SLITRK2: variants seen among roughly 807,000 people sequenced by gnomAD.
SLITRK2 encodes the protein SLIT and NTRK like family member 2.
SLITRK2 carries 13 observed loss-of-function variants against 35.4 expected under a neutral mutation model. That is an observed-to-expected ratio of 0.37 (90% CI 0.24 to 0.58). The LOEUF (loss-of-function observed/expected upper bound fraction) is 0.58. Ranked by LOEUF, SLITRK2 falls within the 20% of genes least tolerant of loss-of-function variation. The pLI is 0.75. For missense variants in SLITRK2, 471 were observed against 634.3 expected, an observed-to-expected ratio of 0.74 and a Z score of 2.76; for synonymous variants, 294 against 264.7, an observed-to-expected ratio of 1.11 and a Z score of -1.07.
chrX:145,828,637 AAG>A lies in SLITRK2; in HGVS notation c.*3681_*3682del, dbSNP rs1478350413. On this transcript the variant is annotated 3_prime_UTR_variant, in exon 5 of 5. Coordinates refer to ENST00000335565, the MANE Select transcript of SLITRK2 (RefSeq NM_032539.5). ...CCCTAGCAAGGAGCTTCGTGCTAAT[AAG>A]AGAGAGTCTTACCTGAATGGCAATC... 3 of 122,657 alleles carry A rather than the reference AAG, an allele frequency of 2.4e-5. No homozygotes were observed. Among genetic ancestry groups the A allele is most frequent in the African/African-American group, 9.8e-5 (3 of 30,567 alleles). The allele number at this position is 122,657 out of a possible 1,213,427, so 10.1% of individuals were successfully genotyped here. A position where few individuals can be genotyped will look rare whatever the true frequency, so the allele number is the denominator to read the frequency against.
Position 145,825,119 on chromosome X carries a change from G to T in SLITRK2, c.*156G>T. On this transcript the variant is annotated 3_prime_UTR_variant, in exon 5 of 5. Coordinates refer to ENST00000335565, the MANE Select transcript of SLITRK2 (RefSeq NM_032539.5). The stretch of plus-strand genomic sequence containing the variant: ...GGAGATAGGATGAAGTCATGATTTT[G>T]CTTTTGCAAGTTTTCCTTTAAATTA... 1 of 525,497 alleles carries T rather than the reference G, an allele frequency of 1.9e-6. No homozygotes were observed. The highest frequency in any genetic ancestry group is 2.7e-6 in the Non-Finnish European group (1 of 366,212). The allele number at this position is 525,497 out of a possible 1,213,427, so 43.3% of individuals were successfully genotyped here. A position where few individuals can be genotyped will look rare whatever the true frequency, so the allele number is the denominator to read the frequency against.
chrX:145,827,888 C>T lies in SLITRK2; in HGVS notation c.*2925C>T, dbSNP rs782371717. On this transcript the variant is annotated 3_prime_UTR_variant, in exon 5 of 5. Transcript: ENST00000335565. ...CTTCCACAGCTGGATATTGCTATTT[C>T]ACTTTTATTTCACATGCAGCTTTAA... is the stretch of plus-strand genomic sequence containing the variant. 4 of 1,209,428 alleles carry T rather than the reference C, an allele frequency of 3.3e-6. No individual in the cohort carries two copies. The highest frequency in any genetic ancestry group is 4.5e-6 in the Non-Finnish European group (4 of 894,894).
chrX:145,823,925 T>C lies in SLITRK2; in HGVS notation c.1500T>C (p.Asn500=). 2 of 1,211,581 alleles carry C rather than the reference T, an allele frequency of 1.7e-6. No homozygotes were observed. The highest frequency in any genetic ancestry group is 2.2e-6 in the Non-Finnish European group (2 of 895,432). Residue 500 remains asparagine, a synonymous_variant, in exon 5 of 5, where the codon AAT becomes AAC. Transcript: ENST00000335565. ...IFGGTALTRL[N]LRNNHFSHLP... is the part of the protein sequence containing the mutation. Reference sequence around the variant, plus strand: ...GGGGGACGGCCCTAACCAGGCTGAATCTGAGAAACAACCATTTTTCTCACC... The same window carrying C: ...GGGGGACGGCCCTAACCAGGCTGAACCTGAGAAACAACCATTTTTCTCACC...
rs1415693795 is a variant in SLITRK2, at chrX:145,827,114, A to G, written c.*2151A>G. The G allele has an allele frequency of 4.5e-5, 5 of 112,038 alleles. No individual in the cohort carries two copies. Among genetic ancestry groups the G allele is most frequent in the Admixed American group, 1.9e-4 (2 of 10,527 alleles). 9.2% of individuals were successfully genotyped at this position (112,038 alleles called of 1,213,427 possible). A position where few individuals can be genotyped will look rare whatever the true frequency, so the allele number is the denominator to read the frequency against. On this transcript the variant is annotated 3_prime_UTR_variant, in exon 5 of 5. Transcript: ENST00000335565. ...GAAGAAAGTTGAAAATGGTGGGCTG[A>G]AATGATCTTCAAGAAAGTTAATGTA...
Position 145,827,558 on chromosome X carries a change from C to G in SLITRK2, c.*2595C>G. 1 of 644,845 alleles carries G rather than the reference C, an allele frequency of 1.6e-6. No individual in the cohort carries two copies. The highest frequency in any genetic ancestry group is 2.2e-6 in the Non-Finnish European group (1 of 448,104). The allele number at this position is 644,845 out of a possible 1,213,427, so 53.1% of individuals were successfully genotyped here. A position where few individuals can be genotyped will look rare whatever the true frequency, so the allele number is the denominator to read the frequency against. On this transcript the variant is annotated 3_prime_UTR_variant, in exon 5 of 5. Coordinates refer to ENST00000335565, the MANE Select transcript of SLITRK2 (RefSeq NM_032539.5). Reference sequence around the variant, plus strand: ...CTTACTTACACGATTTTAAAGACGCCTACTGAGAGAACTCAAATTTATAAA... The same window carrying G: ...CTTACTTACACGATTTTAAAGACGCGTACTGAGAGAACTCAAATTTATAAA...
rs1569507109 is a variant in SLITRK2, at chrX:145,824,625, G to A, written c.2200G>A (p.Ala734Thr). The A allele has an allele frequency of 8.3e-7, 1 of 1,211,265 alleles. No homozygotes were observed. Among genetic ancestry groups the A allele is most frequent in the Admixed American group, 2.2e-5 (1 of 45,944 alleles). Residue 734 changes from alanine (A) to threonine (T), a missense_variant, in exon 5 of 5, where the codon GCT becomes ACT. Ala to Thr is a moderately conservative substitution (Grantham distance 58, BLOSUM62 0). Coordinates refer to ENST00000335565, the MANE Select transcript of SLITRK2 (RefSeq NM_032539.5). ...GAAAAAAGAAGAGCCAGCCACACCT[G>A]CTTACACAATAAGTGCCACTGAGCT... ...EEKKEEPATP[A>T]YTISATELLE... is the part of the protein sequence containing the mutation.
In SLITRK2 at chrX:145,823,451, C is replaced by T. The variant is rs782026000; in HGVS notation, c.1026C>T (p.Ser342=). 1 of 1,209,578 alleles carries T rather than the reference C, an allele frequency of 8.3e-7. No individual in the cohort carries two copies. Among genetic ancestry groups the T allele is most frequent in the African/African-American group, 1.7e-5 (1 of 57,311 alleles). Residue 342 remains serine (S), a synonymous_variant, in exon 5 of 5, where the codon AGC becomes AGT. Transcript: ENST00000335565. The part of the protein sequence containing the change: ...TKSPVPLTCP[S]SCVCTSQSSD... ...CTCCTGTGCCTCTCACCTGTCCCAG[C>T]AGCTGTGTCTGCACCTCTCAGAGCT...
chrX:145,827,891 T>C lies in SLITRK2; in HGVS notation c.*2928T>C. On this transcript the variant is annotated 3_prime_UTR_variant, in exon 5 of 5. Transcript: ENST00000335565. ...CCACAGCTGGATATTGCTATTTCAC[T>C]TTTATTTCACATGCAGCTTTAAGAC... The C allele has an allele frequency of 8.3e-7, 1 of 1,211,615 alleles. No individual in the cohort carries two copies. Among genetic ancestry groups the C allele is most frequent in the South Asian group, 1.8e-5 (1 of 56,969 alleles).
In SLITRK2 at chrX:145,824,124, G is replaced by T. The variant is rs782376571; in HGVS notation, c.1699G>T (p.Glu567Ter). Residue 567 changes from glutamate to a stop codon, truncating the protein, a stop_gained, in exon 5 of 5, where the codon GAG becomes TAG. Coordinates refer to ENST00000335565, the MANE Select transcript of SLITRK2 (RefSeq NM_032539.5). LOFTEE classifies it high-confidence loss of function. ...TCESPAKHAG[E>*]ILKFLGREAI... The stretch of plus-strand genomic sequence containing the variant: ...CGAATCTCCTGCTAAGCATGCAGGG[G>T]AGATACTAAAATTTCTGGGGAGGGA... 8.3e-7 allele frequency: 1 copy of T among 1,210,839 alleles called. No homozygotes were observed. Among genetic ancestry groups the T allele is most frequent in the Non-Finnish European group, 1.1e-6 (1 of 895,203 alleles).
chrX:145,828,688 T>C lies in SLITRK2; in HGVS notation c.*3725T>C, dbSNP rs1556946307. The stretch of plus-strand genomic sequence containing the variant: ...TCGCCCAGATTAACAGTGGAGACAG[T>C]AATGCAATGCAGGAAGTTAAGTTTT... On this transcript the variant is annotated 3_prime_UTR_variant, in exon 5 of 5. Transcript: ENST00000335565. 1 of 122,801 alleles carries C rather than the reference T, an allele frequency of 8.1e-6. No individual in the cohort carries two copies. The highest frequency in any genetic ancestry group is 3.3e-5 in the African/African-American group (1 of 30,634). The allele number at this position is 122,801 out of a possible 1,213,427, so 10.1% of individuals were successfully genotyped here.
Position 145,824,413 on chromosome X carries a change from G to T in SLITRK2, c.1988G>T (p.Ser663Ile). 1 of 1,211,155 alleles carries T rather than the reference G, an allele frequency of 8.3e-7. No homozygotes were observed. Among genetic ancestry groups the T allele is most frequent in the Non-Finnish European group, 1.1e-6 (1 of 895,219 alleles). Residue 663 changes from serine to isoleucine, a missense_variant, in exon 5 of 5, where the codon AGC (serine) becomes ATC (isoleucine). Physicochemically the swap from Ser to Ile is moderately radical, Grantham distance 142 (BLOSUM62 -2). Transcript: ENST00000335565. ...AGGAATACCAACAACTTAGACGTAA[G>T]CTCCTTTCAATTACAGTATGGGTCT... ...VPRNTNNLDV[S>I]SFQLQYGSYN...
At position 145,821,586 on chromosome X, in the gene SLITRK2, G is replaced by A; in HGVS notation, c.-491G>A. The A allele has an allele frequency of 9.0e-6, 1 of 110,687 alleles. No homozygotes were observed. The highest frequency in any genetic ancestry group is 1.9e-5 in the Non-Finnish European group (1 of 52,851). The allele number at this position is 110,687 out of a possible 1,213,427, so 9.1% of individuals were successfully genotyped here. ...CCACCGAATTGGAAACGCGCGCCCA[G>A]GCTCCGTCGTCGCCTTCGCCCGCCG... On this transcript the variant is annotated 5_prime_UTR_variant, in exon 3 of 5. Coordinates refer to ENST00000335565, the MANE Select transcript of SLITRK2 (RefSeq NM_032539.5).
At chrX:145,820,950 G>T (rs1281827630) in intron 2 of SLITRK2, 1 of 108,937 alleles carries the variant, frequency 9.2e-6, no homozygotes, top group Non-Finnish European at 1.9e-5. Context: ...TCCCCTAAGA[G>T]AACTCCTCAC....
rs1556944615 is a variant in SLITRK2 at position 145,824,065 on chromosome X, C to T, written c.1640C>T (p.Ala547Val). The stretch of plus-strand genomic sequence containing the variant: ...GGGCTGAAAGACTGGACAGAACATG[C>T]CAATTCCCCTGTCATCATTAATGAG... ...IMGLKDWTEH[A>V]NSPVIINEVT... Residue 547 changes from alanine to valine, a missense_variant, in exon 5 of 5, where the codon GCC becomes GTC. This residue lies in a region of SLITRK2 where 92 missense variants were observed against 184.2 expected (regional missense o/e 0.50). Coordinates refer to ENST00000335565, the MANE Select transcript of SLITRK2 (RefSeq NM_032539.5). 11 of 1,208,165 alleles carry T rather than the reference C, an allele frequency of 9.1e-6. No homozygotes were observed. Among genetic ancestry groups the T allele is most frequent in the Admixed American group, 2.2e-5 (1 of 45,637 alleles).
rs782696219 is a variant in SLITRK2, at chrX:145,823,993, A to G, written c.1568A>G (p.Gln523Arg). Residue 523 changes from glutamine to arginine, a missense_variant, in exon 5 of 5, where the codon CAG (glutamine) becomes CGG (arginine). Physicochemically the swap from Gln to Arg is conservative, Grantham distance 43. Around this residue, in one of 7 missense-constraint regions of SLITRK2, gnomAD observed 92 missense variants for 184.2 expected, o/e 0.50. Transcript: ENST00000335565. ...CTGGATCAGCTCCCGGCTTTCATCC[A>G]GATAGATCTGCAGGAGAACCCCTGG... ...GVLDQLPAFIQIDLQENPWDC... is the reference protein window; with the variant it reads ...GVLDQLPAFIRIDLQENPWDC... The G allele has an allele frequency of 1.7e-6, 2 of 1,210,328 alleles. No individual in the cohort carries two copies.
chrX:145,822,942 C>T lies in SLITRK2; in HGVS notation c.517C>T (p.Leu173=), dbSNP rs1247140764. ...LILNDNLLLS[L]PSNVFRFVLL... ...CCTGAATGACAACCTTCTGCTTTCACTGCCCAGCAATGTGTTCCGCTTTGT... is the reference window on the plus strand; with the variant it reads ...CCTGAATGACAACCTTCTGCTTTCATTGCCCAGCAATGTGTTCCGCTTTGT... The change falls in exon 5 of 5, where the codon CTG becomes TTG. Residue 173 remains leucine, a synonymous_variant. Transcript: ENST00000335565. 8.3e-7 allele frequency: 1 copy of T among 1,209,555 alleles called. No individual in the cohort carries two copies. Among genetic ancestry groups the T allele is most frequent in the African/African-American group, 1.8e-5 (1 of 56,989 alleles).
rs782611862 is a variant in SLITRK2 at position 145,824,056 on chromosome X, C to T, written c.1631C>T (p.Thr544Ile). 1 of 1,209,472 alleles carries T rather than the reference C, an allele frequency of 8.3e-7. No individual in the cohort carries two copies. ...TCDIMGLKDW[T>I]EHANSPVIIN... ...GACATCATGGGGCTGAAAGACTGGA[C>T]AGAACATGCCAATTCCCCTGTCATC... Residue 544 changes from threonine (T) to isoleucine (I), a missense_variant, in exon 5 of 5, where the codon ACA becomes ATA. Physicochemically the swap from Thr to Ile is moderately conservative, Grantham distance 89. Coordinates refer to ENST00000335565, the MANE Select transcript of SLITRK2 (RefSeq NM_032539.5).
rs974184151 is a variant in SLITRK2, at chrX:145,821,684, C to G, written c.-393C>G. ...CCCTCCCTGGCAGCTCGGCTTCCCT[C>G]AGCTCCAACTCTTCTCTTCCGCTCC... On this transcript the variant is annotated 5_prime_UTR_variant, in exon 3 of 5. Transcript: ENST00000335565. The G allele has an allele frequency of 8.9e-6, 1 of 111,757 alleles. No homozygotes were observed. Among genetic ancestry groups the G allele is most frequent in the Non-Finnish European group, 1.9e-5 (1 of 53,170 alleles). 9.2% of individuals were successfully genotyped at this position (111,757 alleles called of 1,213,427 possible).
In SLITRK2 at chrX:145,823,566, T is replaced by C. The variant is rs781995222; in HGVS notation, c.1141T>C (p.Tyr381His). The change falls in exon 5 of 5, where the codon TAC (tyrosine) becomes CAC (histidine). Residue 381 changes from tyrosine (Y) to histidine (H), a missense_variant. By Grantham distance (83) the Tyr-to-His change is moderately conservative (BLOSUM62 2). This residue lies in a region of SLITRK2 where 92 missense variants were observed against 184.2 expected (regional missense o/e 0.50). Coordinates refer to ENST00000335565, the MANE Select transcript of SLITRK2 (RefSeq NM_032539.5). ...QPKPTSPKKL[Y>H]LTGNYLQTVY... ...CAAACCGACCAGTCCAAAGAAACTC[T>C]ACCTAACAGGGAACTATCTTCAAAC... 1 of 1,211,079 alleles carries C rather than the reference T, an allele frequency of 8.3e-7. No homozygotes were observed. Among genetic ancestry groups the C allele is most frequent in the South Asian group, 1.8e-5 (1 of 56,989 alleles).
Sources: allele counts gnomAD v4.1 joint callset, GRCh38; gene constraint gnomAD v4.1.1; regional missense constraint gnomAD v4.1.1; transcripts MANE v1.5; gene names NCBI Gene and HGNC (gene_info 2026-07-23, HGNC 2026-07-21).